Variants in NAB1 observed in about 807,000 individuals in gnomAD.
The protein encoded by NAB1 is NGFI-A binding protein 1.
In NAB1, 25 loss-of-function variants were observed where a neutral mutation model predicts 49.9. That is an observed-to-expected ratio of 0.50 (90% CI 0.37 to 0.70). NAB1 has a LOEUF of 0.70. Among genes scored for constraint, NAB1 ranks in the 30% least tolerant of loss-of-function variants. NAB1 has a pLI of 0.00. For synonymous variants in NAB1, 198 were observed against 215.6 expected (o/e 0.92, Z 0.71); for missense variants, 489 against 575.9 (o/e 0.85, Z 1.54).
At position 190,685,602 on chromosome 2, in the gene NAB1, C is replaced by T; in HGVS notation, c.1222C>T (p.Pro408Ser). 6.2e-7 allele frequency: 1 copy of T among 1,611,640 alleles called. No homozygotes were observed. Among genetic ancestry groups the T allele is most frequent in the East Asian group, 2.2e-5 (1 of 44,832 alleles). The change falls in exon 8 of 10, where the codon CCT (proline) becomes TCT (serine). Residue 408 changes from proline to serine, a missense_variant. Coordinates refer to ENST00000337386, the MANE Select transcript of NAB1 (RefSeq NM_005966.4). The surrounding 1 kb of genome is among the most constrained non-coding windows in gnomAD (Gnocchi z 4.5). The part of the protein sequence containing the change: ...LYRQSSEEHS[P>S]NGLTSDNSDG... ...CAGGCAGAGCTCAGAAGAGCACAGT[C>T]CTAACGGCTTGACTTCCGATAACTC...
At position 190,670,585 on chromosome 2, in the gene NAB1, T is replaced by A. The variant is rs2109957; in HGVS notation, c.953+126T>A. On this transcript the variant is annotated intron_variant, in intron 5 of 9. Transcript: ENST00000337386. This position sits in a 1 kb window ranked among gnomAD's most constrained non-coding sequence, Gnocchi z 5.3. ...AAGTATGATTATTGTTCTATGAAAC[T>A]AAACAATGCAGTGATTTTGAAAACA... is the stretch of plus-strand genomic sequence containing the variant. 1 of 1,038,664 alleles carries A rather than the reference T, an allele frequency of 9.6e-7. No individual in the cohort carries two copies. The allele number at this position is 1,038,664 out of a possible 1,614,324, so 64.3% of individuals were successfully genotyped here. A position where few individuals can be genotyped will look rare whatever the true frequency, so the allele number is the denominator to read the frequency against.
At chr2:190,671,926 C>T (rs1409236281) in intron 5 of NAB1, among the ~76,000 whole-genome samples, 1 of 152,024 alleles carries the variant, frequency 6.6e-6, no homozygotes, top group African/African-American at 2.4e-5. Context: ...CAGGCGTGCA[C>T]CACCATGCCC....
rs115946621 is a variant in NAB1, at chr2:190,653,570, T to C, written c.-196-2407T>C. Among the ~76,000 whole-genome samples the C allele has an allele frequency of 2.6e-3, 389 of 152,332 alleles. 1 individual carries two copies. Among genetic ancestry groups the C allele is most frequent in the African/African-American group, 8.5e-3 (354 of 41,580 alleles). On this transcript the variant is annotated intron_variant, in intron 2 of 9. Coordinates refer to ENST00000337386, the MANE Select transcript of NAB1 (RefSeq NM_005966.4). The stretch of plus-strand genomic sequence containing the variant: ...CCACTCCTGGAAGTGTGTTCATATG[T>C]GTATTGCTATATATGTTTGTGTATG...
intron 2 of NAB1, among the ~76,000 whole-genome samples, chr2:190,650,588 T>G (rs1331810768): frequency 6.6e-6 from 1 of 152,204 alleles, no homozygotes; most frequent in African/African-American, 2.4e-5. Flanking sequence ...TATTTCATAA[T>G]TTGTGTGTGG....
chr2:190,654,319 G>A lies in NAB1; in HGVS notation c.-196-1658G>A, dbSNP rs1693815288. On this transcript the variant is annotated intron_variant, in intron 2 of 9. Coordinates refer to ENST00000337386, the MANE Select transcript of NAB1 (RefSeq NM_005966.4). This position sits in a 1 kb window ranked among gnomAD's most constrained non-coding sequence, Gnocchi z 5.6. The stretch of plus-strand genomic sequence containing the variant: ...TCCTTGCTCTTAACTGACTCTCCAT[G>A]AAGGACTGTCTTTCCTCTGTTCCCC... 6.6e-6 allele frequency among the ~76,000 whole-genome samples: 1 copy of A among 152,170 alleles called. No homozygotes were observed. Among genetic ancestry groups the A allele is most frequent in the African/African-American group, 2.4e-5 (1 of 41,430 alleles).
chr2:190,690,113 G>A, intron 9 of NAB1, 132 bp from the exon 10 acceptor site: 2 of 588,900 alleles, frequency 3.4e-6, no homozygotes, highest in Non-Finnish European at 5.8e-6. Flanking sequence ...CAAAAATTTT[G>A]CATGGAATTA....
intron 2 of NAB1, among the ~76,000 whole-genome samples, chr2:190,653,370 C>T (rs368369036): frequency 2.9e-4 from 44 of 152,300 alleles, no homozygotes; most frequent in African/African-American, 1.0e-3. Context: ...CTGTAAATGA[C>T]TCATGAGCTC....
Position 190,687,312 on chromosome 2 carries a change from C to G in NAB1, c.1370C>G (p.Ser457Ter), listed in dbSNP as rs964214232. 3 of 1,562,980 alleles carry G rather than the reference C, an allele frequency of 1.9e-6. No individual in the cohort carries two copies. In the African/African-American group the frequency reaches 4.2e-5, roughly 22 times the overall value. Residue 457 changes from serine (S) to a stop codon, truncating the protein, a stop_gained, in exon 9 of 10, where the codon TCA becomes TGA. Coordinates refer to ENST00000337386, the MANE Select transcript of NAB1 (RefSeq NM_005966.4). LOFTEE classifies it high-confidence loss of function. ...RLYPSEAKSH[S>*]SESLGILKDY... ...TACCCCAGTGAGGCAAAGTCCCACT[C>G]ATCAGGTGAGAACGTGCTATATGAT...
intron 7 of NAB1, 68 bp downstream of exon 7, chr2:190,683,895 A>G (rs1445763045): frequency 1.5e-5 from 19 of 1,242,070 alleles, no homozygotes; most frequent in South Asian, 9.1e-5. Flanking sequence ...GACTACTTCA[A>G]CTAGCTTCAG....
At chr2:190,671,839 G>A (rs1302519955) in intron 5 of NAB1, among the ~76,000 whole-genome samples, 4 of 129,790 alleles carry the variant, frequency 3.1e-5, no homozygotes, top group East Asian at 2.5e-4. Flanking sequence ...GCAATAGCTC[G>A]ATCTTGGTTC....
Position 190,684,609 on chromosome 2 carries a change from T to A in NAB1, c.1095+782T>A, listed in dbSNP as rs774580857. On this transcript the variant is annotated intron_variant, in intron 7 of 9. Transcript: ENST00000337386. The surrounding 1 kb of genome is among the most constrained non-coding windows in gnomAD (Gnocchi z 4.6). ...ATCATGTTTATTCTGTGAATTAATA[T>A]ATTTTACCTACTGATTTTTACATTG... Among the ~76,000 whole-genome samples the A allele has an allele frequency of 1.4e-4, 22 of 152,210 alleles. No individual in the cohort carries two copies. Among genetic ancestry groups the A allele is most frequent in the Non-Finnish European group, 2.9e-4 (20 of 68,018 alleles).
intron 4 of NAB1, among the ~76,000 whole-genome samples, chr2:190,668,981 G>A (rs1694665984): frequency 2.0e-5 from 3 of 152,178 alleles, no homozygotes. Flanking sequence ...AGAACAATAT[G>A]CCAGCATTAC....
rs1476478814 is a variant in NAB1 at position 190,690,287 on chromosome 2, C to T, written c.1418C>T (p.Thr473Ile). ...AAAGACTACCCTCATTCAGCTTTTA[C>T]CTTAGAAAAGAAAGTCATCAAAACA... Reference protein sequence around the residue: ...ILKDYPHSAFTLEKKVIKTEP... With the variant: ...ILKDYPHSAFILEKKVIKTEP... The change falls in exon 10 of 10, where the codon ACC becomes ATC. Residue 473 changes from threonine (T) to isoleucine (I), a missense_variant. Transcript: ENST00000337386. 3.7e-6 allele frequency: 6 copies of T among 1,612,778 alleles called. No individual in the cohort carries two copies. The highest frequency in any genetic ancestry group is 5.1e-6 in the Non-Finnish European group (6 of 1,179,244).
chr2:190,674,849 G>A lies in NAB1; in HGVS notation c.1005+1697G>A, dbSNP rs562202748. Among the ~76,000 whole-genome samples the A allele has an allele frequency of 3.2e-4, 48 of 152,262 alleles. No homozygotes were observed. The highest frequency in any genetic ancestry group is 6.0e-4 in the Non-Finnish European group (41 of 68,014). On this transcript the variant is annotated intron_variant, in intron 6 of 9. Coordinates refer to ENST00000337386, the MANE Select transcript of NAB1 (RefSeq NM_005966.4). This position sits in a 1 kb window ranked among gnomAD's most constrained non-coding sequence, Gnocchi z 5.7. ...AAGGATTGCTTGAGCTCAGGAGGTCGAGACCAGCCTGGGCAACATGGGGAG... is the reference window on the plus strand; with the variant it reads ...AAGGATTGCTTGAGCTCAGGAGGTCAAGACCAGCCTGGGCAACATGGGGAG...
In NAB1 at chr2:190,663,929, A is replaced by T. The variant is rs1414649984; in HGVS notation, c.819+3934A>T. On this transcript the variant is annotated intron_variant, in intron 4 of 9. Transcript: ENST00000337386. The surrounding 1 kb of genome is among the most constrained non-coding windows in gnomAD (Gnocchi z 4.2). ...TAATTTTTTTTCCTTATTTTTCCTAATGATTTCTGACTTAATTACATTGAG... is the reference window on the plus strand; with the variant it reads ...TAATTTTTTTTCCTTATTTTTCCTATTGATTTCTGACTTAATTACATTGAG... 6.6e-6 allele frequency among the ~76,000 whole-genome samples: 1 copy of T among 151,772 alleles called. No individual in the cohort carries two copies. Among genetic ancestry groups the T allele is most frequent in the Non-Finnish European group, 1.5e-5 (1 of 67,940 alleles).
chr2:190,670,275 T>G lies in NAB1; in HGVS notation c.820-51T>G. Reference sequence around the variant, plus strand: ...TATTTTAAGTGAAACCTTTTGCATTTTGATGAAATTAAAATGTTCTTAATT... The same window carrying G: ...TATTTTAAGTGAAACCTTTTGCATTGTGATGAAATTAAAATGTTCTTAATT... On this transcript the variant is annotated intron_variant, in intron 4 of 9. Transcript: ENST00000337386. This position sits in a 1 kb window ranked among gnomAD's most constrained non-coding sequence, Gnocchi z 5.3. 6.5e-7 allele frequency: 1 copy of G among 1,535,626 alleles called. No homozygotes were observed. Among genetic ancestry groups the G allele is most frequent in the Non-Finnish European group, 8.8e-7 (1 of 1,134,330 alleles).
At chr2:190,688,235 A>C (rs185236681) in intron 9 of NAB1, among the ~76,000 whole-genome samples, 99 of 152,366 alleles carry the variant, frequency 6.5e-4, no homozygotes, top group African/African-American at 2.2e-3. Flanking sequence ...CGGGAAATGT[A>C]GTTTTACAAG....
chr2:190,660,104 G>C (rs1694145339), intron 4 of NAB1, 109 bp downstream of exon 4: 2 of 966,460 alleles, frequency 2.1e-6, no homozygotes, highest in Middle Eastern at 2.2e-4. Flanking sequence ...CCTGAAAGCA[G>C]TATTAAAAAC....
intron 4 of NAB1, among the ~76,000 whole-genome samples, chr2:190,664,504 AGCTAATTTC>A (rs1352998844): frequency 6.8e-6 from 1 of 147,052 alleles, no homozygotes; most frequent in African/African-American, 2.5e-5. Flanking sequence ...CACCACACCT[AGCTAATTTC>A]TTTCTTTTCT....
Sources: allele counts gnomAD v4.1 joint callset (sites outside exome capture counted in the v4.1 genomes callset), GRCh38; gene constraint gnomAD v4.1.1; non-coding constraint Gnocchi (gnomAD v3.1); transcripts MANE v1.5; gene names NCBI Gene and HGNC (gene_info 2026-07-23, HGNC 2026-07-21).